The following TSHR variants were observed in gnomAD, a reference collection of about 807,000 sequenced individuals.
TSHR encodes thyrotropin receptor.
A neutral mutation model predicts 64.1 loss-of-function variants in TSHR; 51 were observed. The ratio of observed to expected loss-of-function variants is 0.80; its 90% CI spans 0.64 to 1.01. The LOEUF (loss-of-function observed/expected upper bound fraction) is 1.01, where lower values mean the gene tolerates loss of function less well. Ranked by LOEUF, TSHR falls within the 50% of genes least tolerant of loss-of-function variation. The pLI, the probability that TSHR is intolerant of heterozygous loss-of-function variation, is 0.00. For missense variants in TSHR, 877 were observed against 942.8 expected, an observed-to-expected ratio of 0.93 and a Z score of 0.91; for synonymous variants, 361 against 361.9, an observed-to-expected ratio of 1.00 and a Z score of 0.03.
chr14:81,008,073 C>G (rs1300958555), intron 1 of TSHR, among the ~76,000 whole-genome samples: 3 of 152,130 alleles, frequency 2.0e-5, no homozygotes, highest in African/African-American at 7.2e-5. Context: ...CCTAACAACA[C>G]TGATGATGAT....
intron 1 of TSHR, among the ~76,000 whole-genome samples, chr14:80,991,360 A>G (rs1794956497): frequency 6.6e-6 from 1 of 152,062 alleles, no homozygotes; most frequent in African/African-American, 2.4e-5. Context: ...GCCTCTGAAT[A>G]TTTTTCTTCA....
chr14:81,022,854 G>A (rs1594964060), intron 1 of TSHR, among the ~76,000 whole-genome samples: 1 of 152,170 alleles, frequency 6.6e-6, no homozygotes, highest in East Asian at 1.9e-4. Flanking sequence ...GGGCGTTTGG[G>A]AGGTGATTGG....
chr14:81,084,818 T>A (rs921710047), intron 3 of TSHR, among the ~76,000 whole-genome samples: 3 of 152,252 alleles, frequency 2.0e-5, no homozygotes, highest in African/African-American at 7.2e-5. Flanking sequence ...CTCAGAGGCA[T>A]GCTTGAAGGC....
chr14:81,026,853 C>T (rs1348600326), intron 1 of TSHR, among the ~76,000 whole-genome samples: 1 of 151,814 alleles, frequency 6.6e-6, no homozygotes, highest in Non-Finnish European at 1.5e-5. Flanking sequence ...CTGGCCAACA[C>T]AGTGAAACCT....
chr14:81,102,253 C>T (rs901327868), intron 7 of TSHR, among the ~76,000 whole-genome samples: 6 of 151,978 alleles, frequency 3.9e-5, no homozygotes, highest in African/African-American at 7.3e-5. Context: ...AGAGACTCTC[C>T]GTACGTTCAC....
intron 8 of TSHR, among the ~76,000 whole-genome samples, chr14:81,130,860 G>A (rs552932679): frequency 1.6e-5 from 2 of 129,026 alleles, no homozygotes; most frequent in African/African-American, 3.8e-5. Flanking sequence ...GCGCGGTGGC[G>A]GGTGCCTGTA....
intron 8 of TSHR, 71 bp downstream of exon 8, chr14:81,108,523 A>C: frequency 4.1e-6 from 4 of 972,122 alleles, no homozygotes; most frequent in Non-Finnish European, 6.0e-6. Context: ...AAATGGAGAC[A>C]TTAAGGGGAG....
chr14:81,068,525 G>A, intron 3 of TSHR, 197 bp downstream of exon 3: 2 of 567,972 alleles, frequency 3.5e-6, no homozygotes, highest in Non-Finnish European at 6.4e-6. Context: ...ATGGTTGGAA[G>A]TTAAAGACAA....
chr14:81,128,732 A>G (rs1392037690), intron 8 of TSHR, among the ~76,000 whole-genome samples: 2 of 152,106 alleles, frequency 1.3e-5, no homozygotes, highest in East Asian at 3.9e-4. Context: ...TCTGCCAGAG[A>G]GCCCTCTCCC....
chr14:80,999,368 TTTCTC>T (rs1427685938), intron 1 of TSHR, among the ~76,000 whole-genome samples: 4 of 152,184 alleles, frequency 2.6e-5, no homozygotes, highest in African/African-American at 9.7e-5. Context: ...TAACAAGTCT[TTTCTC>T]TTCTAGGCTA....
intron 1 of TSHR, among the ~76,000 whole-genome samples, chr14:80,960,518 C>T (rs981150602): frequency 1.3e-5 from 2 of 152,042 alleles, no homozygotes; most frequent in Non-Finnish European, 2.9e-5. Flanking sequence ...GAATTCTGAC[C>T]TGAAAGTTAA....
chr14:81,093,848 C>T (rs1172276149), intron 6 of TSHR: 1 of 152,262 alleles, frequency 6.6e-6, no homozygotes, highest in African/African-American at 2.4e-5. Context: ...TTTACTTCCT[C>T]AGTAAAGCTT....
At position 81,091,070 on chromosome 14, in the gene TSHR, G is replaced by A; in HGVS notation, c.394G>A (p.Gly132Ser). 1 of 1,609,738 alleles carries A rather than the reference G, an allele frequency of 6.2e-7. No homozygotes were observed. Among genetic ancestry groups the A allele is most frequent in the Non-Finnish European group, 8.5e-7 (1 of 1,178,734 alleles). Residue 132 changes from glycine (G) to serine (S), a missense_variant and splice_region_variant, in exon 5 of 10, where the codon GGC becomes AGC. Transcript: ENST00000298171. ...LKELPLLKFL[G>S]IFNTGLKMFP... is the part of the protein sequence containing the mutation. ...TTTCTCTTTTTTTCATTAATTTAGT[G>A]GCATTTTCAACACTGGACTTAAAAT...
intron 1 of TSHR, among the ~76,000 whole-genome samples, chr14:81,040,612 C>CA (rs896245932): frequency 6.6e-6 from 1 of 151,666 alleles, no homozygotes; most frequent in Non-Finnish European, 1.5e-5. Context: ...AACAACTCAG[C>CA]AAAAAAACAA....
At chr14:80,970,316 T>C (rs975188958) in intron 1 of TSHR, among the ~76,000 whole-genome samples, 2 of 152,236 alleles carry the variant, frequency 1.3e-5, no homozygotes, top group Non-Finnish European at 1.5e-5. Flanking sequence ...GCTGCTGTGC[T>C]CACCTTATTT....
Position 81,139,704 on chromosome 14 carries a change from G to A in TSHR, c.718G>A (p.Ala240Thr), listed in dbSNP as rs779840681. The stretch of plus-strand genomic sequence containing the variant: ...GGACGTGTCTCAAACCAGTGTCACT[G>A]CCCTTCCATCCAAAGGCCTGGAGCA... ...LLDVSQTSVTALPSKGLEHLK... is the reference protein window; with the variant it reads ...LLDVSQTSVTTLPSKGLEHLK... The change falls in exon 9 of 10, where the codon GCC (alanine) becomes ACC (threonine). Residue 240 changes from alanine to threonine, a missense_variant. Coordinates refer to ENST00000298171, the MANE Select transcript of TSHR (RefSeq NM_000369.5). 1 of 1,614,144 alleles carries A rather than the reference G, an allele frequency of 6.2e-7. No homozygotes were observed. Among genetic ancestry groups the A allele is most frequent in the Non-Finnish European group, 8.5e-7 (1 of 1,180,026 alleles).
chr14:81,104,607 A>G (rs1039624472), intron 7 of TSHR: 1 of 985,424 alleles, frequency 1.0e-6, no homozygotes, highest in Non-Finnish European at 1.2e-6. Flanking sequence ...AATGGCCGCT[A>G]TGTGCCACGA....
chr14:81,078,488 G>A (rs1292223392), intron 3 of TSHR, among the ~76,000 whole-genome samples: 1 of 152,042 alleles, frequency 6.6e-6, no homozygotes, highest in African/African-American at 2.4e-5. Flanking sequence ...AATATGCCTA[G>A]GTGAGTTTTT....
intron 3 of TSHR, chr14:81,087,665 G>GA (rs1053848295): frequency 3.0e-5 from 12 of 401,186 alleles, no homozygotes; most frequent in Admixed American, 7.9e-5. Context: ...AAATGTAAAA[G>GA]AAAAAAAATT....
Sources: gnomAD v4.1 joint callset for allele counts (sites outside exome capture counted in the v4.1 genomes callset) on GRCh38, gnomAD v4.1.1 for gene constraint, MANE v1.5 for transcripts, NCBI Gene and HGNC (gene_info 2026-07-23, HGNC 2026-07-21) for gene names.